LRRC4C: variants seen among roughly 807,000 people sequenced by gnomAD.
LRRC4C encodes leucine-rich repeat-containing protein 4C.
A neutral mutation model predicts 33.6 loss-of-function variants in LRRC4C; 5 were observed. The observed-to-expected ratio is 0.15, with a 90% confidence interval of 0.08 to 0.31. The LOEUF (loss-of-function observed/expected upper bound fraction) is 0.31. LRRC4C is among the 10% of genes least tolerant of loss of function. LRRC4C has a pLI of 1.00. For missense variants in LRRC4C, 560 were observed against 796.7 expected (o/e 0.70, Z 3.58); for synonymous variants, 329 against 302.0 (o/e 1.09, Z -0.93).
At position 40,985,004 on chromosome 11, in the gene LRRC4C, C is replaced by T. The variant is rs553418426; in HGVS notation, c.-495-51281G>A. ...GCAACCTCCGTCTCCCAGGTTCAAGCGATTCTCCTGCCTCAGCCTCCTCTC... is the reference window on the plus strand; with the variant it reads ...GCAACCTCCGTCTCCCAGGTTCAAGTGATTCTCCTGCCTCAGCCTCCTCTC... On this transcript the variant is annotated intron_variant, in intron 1 of 6. Coordinates refer to ENST00000528697, the MANE Select transcript of LRRC4C (RefSeq NM_001258419.2). Among the ~76,000 whole-genome samples the T allele has an allele frequency of 5.6e-5, 8 of 143,838 alleles. No homozygotes were observed. The East Asian group carries it at 1.3e-3, about 23-fold the overall frequency. The allele number at this position is 143,838 out of a possible 152,430, so 94.4% of individuals were successfully genotyped here.
intron 3 of LRRC4C, among the ~76,000 whole-genome samples, chr11:40,357,120 AT>A (rs1312183894): frequency 2.0e-5 from 3 of 152,194 alleles, no homozygotes; most frequent in Non-Finnish European, 4.4e-5. Context: ...ATATTAAGAA[AT>A]TTTAGGTTAA....
intron 2 of LRRC4C, among the ~76,000 whole-genome samples, chr11:40,811,388 T>A (rs1398035674): frequency 6.6e-6 from 1 of 152,196 alleles, no homozygotes; most frequent in Non-Finnish European, 1.5e-5. Context: ...CATAAGTACC[T>A]TGAGGACAGG....
chr11:40,336,118 A>G (rs191898378), intron 3 of LRRC4C, among the ~76,000 whole-genome samples: 1 of 152,300 alleles, frequency 6.6e-6, no homozygotes, highest in East Asian at 1.9e-4. Context: ...ACTGTCCTAG[A>G]TGATGGCGAT....
At position 40,663,104 on chromosome 11, in the gene LRRC4C, G is replaced by C. The variant is rs189034023; in HGVS notation, c.-406-14826C>G. On this transcript the variant is annotated intron_variant, in intron 2 of 6. Coordinates refer to ENST00000528697, the MANE Select transcript of LRRC4C (RefSeq NM_001258419.2). ...TTATTTATTTATTTATTTTTGAGAC[G>C]GAGTCTCACTCTGTTGCCCAGGCCA... Among the ~76,000 whole-genome samples, 221 of 152,006 alleles carry C rather than the reference G, an allele frequency of 1.5e-3. 1 individual carries two copies. The highest frequency in any genetic ancestry group is 5.2e-3 in the African/African-American group (215 of 41,470).
chr11:41,124,310 G>A (rs536262211), intron 1 of LRRC4C, among the ~76,000 whole-genome samples: 2 of 152,284 alleles, frequency 1.3e-5, no homozygotes, highest in African/African-American at 4.8e-5. Context: ...GGAACGCCAT[G>A]ATTAAAACCC....
At chr11:40,918,085 A>G (rs932186793) in intron 2 of LRRC4C, among the ~76,000 whole-genome samples, 1 of 152,144 alleles carries the variant, frequency 6.6e-6, no homozygotes, top group African/African-American at 2.4e-5. Flanking sequence ...ATTAATCTAT[A>G]TGATTGGTCG....
intron 2 of LRRC4C, among the ~76,000 whole-genome samples, chr11:40,879,851 T>C (rs1281123462): frequency 6.6e-6 from 1 of 152,186 alleles, no homozygotes; most frequent in Non-Finnish European, 1.5e-5. Flanking sequence ...TTGTTGATTG[T>C]ATTTTCCAAA....
At chr11:41,383,330 A>G (rs1032520455) in intron 1 of LRRC4C, among the ~76,000 whole-genome samples, 5 of 152,074 alleles carry the variant, frequency 3.3e-5, no homozygotes, top group Non-Finnish European at 5.9e-5. Flanking sequence ...ACCTATAGAC[A>G]ACTTTTTGTT....
At chr11:41,158,028 T>C (rs1196123866) in intron 1 of LRRC4C, among the ~76,000 whole-genome samples, 2 of 152,126 alleles carry the variant, frequency 1.3e-5, no homozygotes, top group East Asian at 1.9e-4. Context: ...TTTTTGCCTG[T>C]TGACCATCCC....
chr11:41,389,803 C>A (rs1953518066), intron 1 of LRRC4C, among the ~76,000 whole-genome samples: 1 of 151,744 alleles, frequency 6.6e-6, no homozygotes, highest in Non-Finnish European at 1.5e-5. Flanking sequence ...AGTCTGATTC[C>A]CCACACTTCT....
intron 3 of LRRC4C, among the ~76,000 whole-genome samples, chr11:40,398,072 C>A (rs979563826): frequency 6.6e-6 from 1 of 151,694 alleles, no homozygotes; most frequent in Non-Finnish European, 1.5e-5. Flanking sequence ...AAAAAGGTGG[C>A]AATTTTTGAG....
chr11:40,453,822 C>T (rs1007287208), intron 3 of LRRC4C, among the ~76,000 whole-genome samples: 6 of 152,110 alleles, frequency 3.9e-5, no homozygotes, highest in African/African-American at 1.4e-4. Context: ...AATCACTGTA[C>T]ATTGGTACCA....
intron 3 of LRRC4C, among the ~76,000 whole-genome samples, chr11:40,580,966 C>T (rs188360235): frequency 3.9e-5 from 6 of 152,334 alleles, no homozygotes; most frequent in African/African-American, 1.4e-4. Flanking sequence ...TTAAATATGA[C>T]CTTGTACTCC....
chr11:40,516,112 A>G (rs1955549584), intron 3 of LRRC4C, among the ~76,000 whole-genome samples: 1 of 152,070 alleles, frequency 6.6e-6, no homozygotes. Flanking sequence ...AAAGCAAATT[A>G]TTCCTAATAC....
chr11:41,117,358 G>C, intron 1 of LRRC4C, among the ~76,000 whole-genome samples: 1 of 152,200 alleles, frequency 6.6e-6, no homozygotes, highest in African/African-American at 2.4e-5. Context: ...AAAATATTAA[G>C]TATCAACATA....
intron 2 of LRRC4C, among the ~76,000 whole-genome samples, chr11:40,781,322 C>T (rs1385621137): frequency 6.6e-6 from 1 of 152,086 alleles, no homozygotes; most frequent in Non-Finnish European, 1.5e-5. Flanking sequence ...TACATACACA[C>T]ACACACATAT....
chr11:40,296,738 A>T (rs1348004872), intron 4 of LRRC4C, among the ~76,000 whole-genome samples: 1 of 152,254 alleles, frequency 6.6e-6, no homozygotes, highest in Non-Finnish European at 1.5e-5. Context: ...AAACATAATT[A>T]TAGATATTTA....
intron 4 of LRRC4C, among the ~76,000 whole-genome samples, chr11:40,284,806 T>A (rs1265778432): frequency 1.3e-5 from 2 of 152,196 alleles, no homozygotes; most frequent in Non-Finnish European, 2.9e-5. Flanking sequence ...AAAAAAAATA[T>A]GTTATGTTTT....
intron 2 of LRRC4C, among the ~76,000 whole-genome samples, chr11:40,742,546 T>G (rs541161619): frequency 8.5e-5 from 13 of 152,078 alleles, no homozygotes; most frequent in Non-Finnish European, 1.8e-4. Flanking sequence ...TAGATGGCAT[T>G]CCTAATAGAT....
Sources: allele counts gnomAD v4.1 joint callset (sites outside exome capture counted in the v4.1 genomes callset), GRCh38; gene constraint gnomAD v4.1.1; transcripts MANE v1.5; gene names NCBI Gene and HGNC (gene_info 2026-07-23, HGNC 2026-07-21).